Variants in PIK3R3 observed in about 807,000 individuals in gnomAD.
PIK3R3 encodes the protein phosphatidylinositol 3-kinase regulatory subunit gamma.
Under a neutral mutation model 62.9 loss-of-function variants are expected in PIK3R3, and 64 were observed. The observed-to-expected ratio is 1.02, with a 90% CI of 0.83 to 1.25. The LOEUF (loss-of-function observed/expected upper bound fraction) is 1.25, where lower values mean the gene tolerates loss of function less well. PIK3R3 is among the 50% of genes most tolerant of loss of function. The pLI, the probability that PIK3R3 is intolerant of heterozygous loss-of-function variation, is 0.00. For synonymous variants in PIK3R3, 165 were observed against 189.0 expected, an observed-to-expected ratio of 0.87 and a Z score of 1.04; for missense variants, 614 against 561.6, an observed-to-expected ratio of 1.09 and a Z score of -0.94.
the PIK3R3 span, among the ~76,000 whole-genome samples, chr1:46,174,436 G>A: frequency 6.6e-6 from 1 of 152,114 alleles, no homozygotes; most frequent in African/African-American, 2.4e-5. Context: ...ATAGACATAA[G>A]CACAATTCAC....
At chr1:46,074,145 C>G (rs1649817282) in intron 3 of PIK3R3, among the ~76,000 whole-genome samples, 1 of 150,758 alleles carries the variant, frequency 6.6e-6, no homozygotes, top group Non-Finnish European at 1.5e-5. Context: ...AAAAAATTAG[C>G]TGGGCGTGGT....
Position 46,061,973 on chromosome 1 carries a change from A to T in PIK3R3, c.720T>A (p.Tyr240Ter), listed in dbSNP as rs771758261. The T allele has an allele frequency of 6.2e-7, 1 of 1,613,328 alleles. No homozygotes were observed. The highest frequency in any genetic ancestry group is 1.1e-5 in the South Asian group (1 of 91,038). ...CHTQEQHSKE[Y>*]IERFRREGNE... ...TCCCCTCTCTGCGAAATCGCTCAAT[A>T]TATTCTTTGCTATGTTGTTCTTGTG... Residue 240 changes from tyrosine (Y) to a stop codon, truncating the protein, a stop_gained, in exon 6 of 10, where the codon TAT becomes TAA. Transcript: ENST00000262741. LOFTEE classifies it high-confidence loss of function.
intron 1 of PIK3R3, among the ~76,000 whole-genome samples, chr1:46,111,567 A>T (rs1300699035): frequency 6.6e-6 from 1 of 152,124 alleles, no homozygotes; most frequent in African/African-American, 2.4e-5. Context: ...CTCTACTAAA[A>T]ATACAAAAAT....
chr1:46,170,675 C>G, the PIK3R3 span, among the ~76,000 whole-genome samples: 10 of 152,372 alleles, frequency 6.6e-5, no homozygotes, highest in African/African-American at 2.4e-4. Context: ...CCAGCCTCAG[C>G]CTCCCAAAGT....
At chr1:46,082,232 C>A (rs1198892490) in intron 1 of PIK3R3, among the ~76,000 whole-genome samples, 1 of 152,174 alleles carries the variant, frequency 6.6e-6, no homozygotes, top group Non-Finnish European at 1.5e-5. Context: ...CTGTGACATT[C>A]CTGCCAAATA....
chr1:46,055,102 CCAT>C (rs2149384046), intron 7 of PIK3R3, among the ~76,000 whole-genome samples: 1 of 147,958 alleles, frequency 6.8e-6, no homozygotes, highest in African/African-American at 2.5e-5. Context: ...CAGGGTTTCA[CCAT>C]CTTTTTTTTT....
chr1:46,045,046 GCAT>G (rs948496833), intron 9 of PIK3R3, among the ~76,000 whole-genome samples: 9 of 152,186 alleles, frequency 5.9e-5, no homozygotes, highest in African/African-American at 1.2e-4. Context: ...TCCATCAGTA[GCAT>G]CATCATCATA....
rs571391946 is a variant in PIK3R3 at position 46,101,937 on chromosome 1, TA to T, written c.107-21188del. ...TTTTGTCATTCGTATTTTATAACTT[TA>T]AAAAATTAACAATGTAATGTATCAA... On this transcript the variant is annotated intron_variant, in intron 1 of 9. Coordinates refer to ENST00000262741, the MANE Select transcript of PIK3R3 (RefSeq NM_003629.4). 9.3e-4 allele frequency among the ~76,000 whole-genome samples: 139 copies of T among 149,662 alleles called. 2 individuals carry two copies. The highest frequency in any genetic ancestry group is 3.4e-3 in the African/African-American group (138 of 40,932).
intron 7 of PIK3R3, among the ~76,000 whole-genome samples, chr1:46,053,896 A>G (rs1010457413): frequency 1.3e-5 from 2 of 152,082 alleles, no homozygotes; most frequent in Non-Finnish European, 2.9e-5. Context: ...TCATGATGTG[A>G]CCAGAACCAC....
At chr1:46,047,906 G>A (rs1239266745) in intron 7 of PIK3R3, among the ~76,000 whole-genome samples, 2 of 152,074 alleles carry the variant, frequency 1.3e-5, no homozygotes, top group African/African-American at 4.8e-5. Flanking sequence ...TCTGCCTCCA[G>A]GGTAGCTGGG....
At chr1:46,149,421 CAA>C in the PIK3R3 span, among the ~76,000 whole-genome samples, 49 of 52,028 alleles carry the variant, frequency 9.4e-4, 1 homozygote, top group African/African-American at 2.6e-3. Context: ...GACTCTGTCT[CAA>C]AAAAAAAAAA....
chr1:46,072,718 G>C (rs1557580703), intron 3 of PIK3R3, among the ~76,000 whole-genome samples: 1 of 152,070 alleles, frequency 6.6e-6, no homozygotes, highest in Non-Finnish European at 1.5e-5. Context: ...GGGAGGCCAA[G>C]GTGGGAGGAT....
the PIK3R3 span, among the ~76,000 whole-genome samples, chr1:46,169,646 A>G: frequency 6.6e-6 from 1 of 152,122 alleles, no homozygotes; most frequent in Non-Finnish European, 1.5e-5. Flanking sequence ...CAGGCAAGCA[A>G]GGAGAGGGAG....
upstream of PIK3R3, chr1:46,134,470 A>G (rs1655856238): frequency 6.6e-6 from 1 of 152,200 alleles, no homozygotes; most frequent in African/African-American, 2.4e-5. Context: ...TGAAATCCAA[A>G]TATGATTTCA....
intron 2 of PIK3R3, among the ~76,000 whole-genome samples, chr1:46,078,508 C>T (rs922013244): frequency 2.6e-5 from 4 of 152,116 alleles, no homozygotes; most frequent in South Asian, 4.2e-4. Flanking sequence ...CACCACTGCA[C>T]GCCAGCCTGG....
In PIK3R3 at chr1:46,127,180, A is replaced by T. The variant is rs943236413; in HGVS notation, c.106+4667T>A. Among the ~76,000 whole-genome samples the T allele has an allele frequency of 9.9e-5, 15 of 152,040 alleles. 1 individual carries two copies. The highest frequency in any genetic ancestry group is 6.2e-4 in the South Asian group (3 of 4,828). On this transcript the variant is annotated intron_variant, in intron 1 of 9. Transcript: ENST00000262741. The stretch of plus-strand genomic sequence containing the variant: ...CAAAACCCTGTCTCTACCAAAAAAT[A>T]ATTTTTAAAACATTAGCTGGGTGTG...
chr1:46,087,761 T>C (rs1184716337), intron 1 of PIK3R3, among the ~76,000 whole-genome samples: 1 of 152,080 alleles, frequency 6.6e-6, no homozygotes, highest in Non-Finnish European at 1.5e-5. Context: ...CACTTCTCAG[T>C]GAAGGCCTCC....
At chr1:46,124,990 T>A (rs760778963) in intron 1 of PIK3R3, among the ~76,000 whole-genome samples, 6 of 152,006 alleles carry the variant, frequency 3.9e-5, no homozygotes, top group Non-Finnish European at 5.9e-5. Context: ...TCCCAGCTAC[T>A]CGGGAGGCTG....
At chr1:46,057,587 T>A (rs752025679) in intron 6 of PIK3R3, among the ~76,000 whole-genome samples, 6 of 152,264 alleles carry the variant, frequency 3.9e-5, no homozygotes, top group Middle Eastern at 3.4e-3. Flanking sequence ...TGGTCTCAGA[T>A]GGAGATGAGG....
Sources: allele counts gnomAD v4.1 joint callset (sites outside exome capture counted in the v4.1 genomes callset), GRCh38; gene constraint gnomAD v4.1.1; transcripts MANE v1.5; gene names NCBI Gene and HGNC (gene_info 2026-07-23, HGNC 2026-07-21).